The following ANK2 variants were observed in gnomAD, a reference collection of about 807,000 sequenced individuals.
ANK2 encodes the protein ankyrin 2, also known as ankyrin-2.
Under a neutral mutation model 360.5 loss-of-function variants are expected in ANK2, and 83 were observed. That is an observed-to-expected ratio of 0.23 (90% CI 0.19 to 0.28). The LOEUF (loss-of-function observed/expected upper bound fraction) is 0.28. Among genes scored for constraint, ANK2 ranks in the 10% least tolerant of loss-of-function variants. The probability of loss-of-function intolerance (pLI) is 1.00; values close to 1 mark genes in which losing one functional copy is unlikely to be tolerated. For synonymous variants in ANK2, 1,740 were observed against 1,759.5 expected, an observed-to-expected ratio of 0.99 and a Z score of 0.28; for missense variants, 4,201 against 4,795.7, an observed-to-expected ratio of 0.88 and a Z score of 3.66.
At chr4:113,184,883 G>T (rs1051785214) in intron 2 of ANK2, among the ~76,000 whole-genome samples, 10 of 151,972 alleles carry the variant, frequency 6.6e-5, no homozygotes, top group Admixed American at 6.5e-4. Context: ...AACAGGCCCC[G>T]GTGTGTGATG....
At chr4:112,821,502 T>A (rs999078222) in intron 1 of ANK2, among the ~76,000 whole-genome samples, 5 of 151,190 alleles carry the variant, frequency 3.3e-5, no homozygotes, top group Non-Finnish European at 7.4e-5. Flanking sequence ...TACCCTAATT[T>A]TTTTTTTTAT....
At chr4:112,739,085 G>A in the ANK2 span, 3 of 524,488 alleles carry the variant, frequency 5.7e-6, no homozygotes, top group Non-Finnish European at 1.1e-5. Flanking sequence ...ATGCCAGGCT[G>A]TGCAGCAAAG....
At chr4:112,911,351 G>A (rs2087287620) in intron 2 of ANK2, among the ~76,000 whole-genome samples, 1 of 151,758 alleles carries the variant, frequency 6.6e-6, no homozygotes, top group African/African-American at 2.4e-5. Context: ...GTGAAACCCC[G>A]TCTCTACTAA....
At chr4:113,050,727 G>A (rs2066600412) in intron 1 of ANK2, among the ~76,000 whole-genome samples, 1 of 152,138 alleles carries the variant, frequency 6.6e-6, no homozygotes, top group Admixed American at 6.6e-5. Context: ...TGATTGTAAT[G>A]TAAATGGCTT....
chr4:112,770,811 G>A, the ANK2 span, among the ~76,000 whole-genome samples: 24 of 152,260 alleles, frequency 1.6e-4, no homozygotes, highest in Admixed American at 1.0e-3. Flanking sequence ...ACTGAGGGTG[G>A]GGGCCAAGAA....
In ANK2 at chr4:113,081,525, G is replaced by A. The variant is rs182903914; in HGVS notation, c.84+31713G>A. 3.9e-5 allele frequency among the ~76,000 whole-genome samples: 6 copies of A among 152,282 alleles called. No individual in the cohort carries two copies. The South Asian group carries it at 6.2e-4, about 16-fold the overall frequency. ...AAGCTTAATACTTAATGGAAAGAAA[G>A]ATCTGTTTTTTTAATGCAAAAATTT... On this transcript the variant is annotated intron_variant, in intron 1 of 45. Coordinates refer to ENST00000357077, the MANE Select transcript of ANK2 (RefSeq NM_001148.6).
intron 1 of ANK2, among the ~76,000 whole-genome samples, chr4:113,134,326 A>G (rs1242891317): frequency 7.1e-6 from 1 of 140,092 alleles, no homozygotes; most frequent in Non-Finnish European, 1.5e-5. Context: ...CCACAGAGAG[A>G]ACCCAAGGAC....
the ANK2 span, among the ~76,000 whole-genome samples, chr4:112,755,533 G>A: frequency 6.6e-6 from 1 of 152,132 alleles, no homozygotes; most frequent in Non-Finnish European, 1.5e-5. Flanking sequence ...GGGCAGGGGT[G>A]GATCTCACAA....
chr4:112,755,151 C>T, the ANK2 span, among the ~76,000 whole-genome samples: 1 of 152,194 alleles, frequency 6.6e-6, no homozygotes, highest in Non-Finnish European at 1.5e-5. Flanking sequence ...TGGGCCCCAT[C>T]ATTAATTTAT....
intron 1 of ANK2, among the ~76,000 whole-genome samples, chr4:113,128,829 T>TA (rs778853849): frequency 1.2e-4 from 19 of 152,170 alleles, no homozygotes; most frequent in Middle Eastern, 3.2e-3. Context: ...AACAAATACG[T>TA]AGAGTTGTAC....
intron 26 of ANK2, among the ~76,000 whole-genome samples, chr4:113,321,984 G>A (rs1025028212): frequency 1.3e-5 from 2 of 152,176 alleles, no homozygotes; most frequent in African/African-American, 4.8e-5. Context: ...CACCTGCCTT[G>A]GCCTCCCAAA....
At chr4:112,788,863 TCTTTC>T in the ANK2 span, 3 of 807,646 alleles carry the variant, frequency 3.7e-6, no homozygotes, top group East Asian at 2.6e-5. Flanking sequence ...CCCTTGGCCT[TCTTTC>T]CTTTCAGCAT....
chr4:112,795,923 G>T, the ANK2 span, among the ~76,000 whole-genome samples: 4 of 150,854 alleles, frequency 2.7e-5, no homozygotes, highest in African/African-American at 9.8e-5. Context: ...CTCAGACTCT[G>T]GGAGTAGCTG....
intron 22 of ANK2, among the ~76,000 whole-genome samples, chr4:113,295,681 A>G (rs1293630816): frequency 6.6e-6 from 1 of 152,198 alleles, no homozygotes; most frequent in African/African-American, 2.4e-5. Context: ...AAAAGCCAAT[A>G]AAAATAGAAA....
chr4:112,981,498 AC>A (rs1385363123), intron 2 of ANK2, among the ~76,000 whole-genome samples: 1 of 152,192 alleles, frequency 6.6e-6, no homozygotes, highest in Admixed American at 6.5e-5. Flanking sequence ...CAGAGGTGGA[AC>A]CATGGGATTT....
intron 1 of ANK2, among the ~76,000 whole-genome samples, chr4:113,168,443 G>A (rs184002291): frequency 8.3e-4 from 127 of 152,202 alleles, no homozygotes; most frequent in African/African-American, 2.8e-3. Context: ...TTAACACAAA[G>A]GCCATTGGAT....
rs144087253 is a variant in ANK2 at position 113,241,987 on chromosome 4, G to T, written c.793-124G>T. 1,187 of 756,264 alleles carry T rather than the reference G, an allele frequency of 1.6e-3. 16 individuals are homozygous for T. The African/African-American group carries it at 0.018, about 11-fold the overall frequency. 46.8% of individuals were successfully genotyped at this position (756,264 alleles called of 1,614,324 possible). ...TCCTTAAAAATCAAAGACATAGAAA[G>T]AGTAGAAACTGTGGATCAAATTACC... On this transcript the variant is annotated intron_variant, in intron 8 of 45. Transcript: ENST00000357077.
At chr4:113,101,857 A>G (rs527901170) in intron 1 of ANK2, among the ~76,000 whole-genome samples, 12 of 152,208 alleles carry the variant, frequency 7.9e-5, no homozygotes, top group Admixed American at 3.3e-4. Context: ...AGGATGAGTC[A>G]GATGCAAGAA....
chr4:112,875,937 T>C (rs940027107), intron 1 of ANK2, among the ~76,000 whole-genome samples: 2 of 150,878 alleles, frequency 1.3e-5, no homozygotes, highest in African/African-American at 4.9e-5. Context: ...TTTTTTTTTT[T>C]AGAGACAAAG....
Sources: gnomAD v4.1 joint callset for allele counts (sites outside exome capture counted in the v4.1 genomes callset) on GRCh38, gnomAD v4.1.1 for gene constraint, MANE v1.5 for transcripts, NCBI Gene and HGNC (gene_info 2026-07-23, HGNC 2026-07-21) for gene names.